Variants in SLC4A10 observed in about 807,000 individuals in gnomAD.
SLC4A10 encodes solute carrier family 4 member 10.
Under a neutral mutation model 137.7 loss-of-function variants are expected in SLC4A10, and 42 were observed. The ratio of observed to expected loss-of-function variants is 0.30; its 90% CI spans 0.24 to 0.39. SLC4A10 has a LOEUF of 0.39. SLC4A10 is among the 10% of genes least tolerant of loss of function. The pLI, the probability that SLC4A10 is intolerant of heterozygous loss-of-function variation, is 1.00. For synonymous variants in SLC4A10, 474 were observed against 464.1 expected, an observed-to-expected ratio of 1.02 and a Z score of -0.27; for missense variants, 925 against 1,355.0, an observed-to-expected ratio of 0.68 and a Z score of 4.98.
At chr2:161,876,721 C>A (rs2061471050) in intron 8 of SLC4A10, among the ~76,000 whole-genome samples, 1 of 152,052 alleles carries the variant, frequency 6.6e-6, no homozygotes, top group Admixed American at 6.6e-5. Flanking sequence ...GTTGGTTTGT[C>A]AAATAAGTTT....
intron 21 of SLC4A10, among the ~76,000 whole-genome samples, chr2:161,963,393 A>T (rs1697054909): frequency 6.6e-6 from 1 of 152,170 alleles, no homozygotes; most frequent in African/African-American, 2.4e-5. Context: ...AACTGAAAAT[A>T]TATAAATGAC....
intron 2 of SLC4A10, among the ~76,000 whole-genome samples, chr2:161,783,798 A>G (rs1178606330): frequency 5.9e-5 from 9 of 151,846 alleles, no homozygotes; most frequent in Non-Finnish European, 1.2e-4. Context: ...ACAAAAAAAA[A>G]TCAACAAAAC....
intron 1 of SLC4A10, among the ~76,000 whole-genome samples, chr2:161,737,317 C>T (rs1456485694): frequency 6.6e-6 from 1 of 151,998 alleles, no homozygotes; most frequent in Non-Finnish European, 1.5e-5. Flanking sequence ...AGTTTGGAAC[C>T]CATCAGGGAA....
chr2:161,704,714 A>G (rs190241225), intron 1 of SLC4A10, among the ~76,000 whole-genome samples: 1 of 151,538 alleles, frequency 6.6e-6, no homozygotes, highest in Non-Finnish European at 1.5e-5. Context: ...TATGCTATAT[A>G]TTTTCCTTTA....
At chr2:161,722,334 T>C (rs2045772991) in intron 1 of SLC4A10, among the ~76,000 whole-genome samples, 1 of 152,204 alleles carries the variant, frequency 6.6e-6, no homozygotes, top group Non-Finnish European at 1.5e-5. Flanking sequence ...CCTTTGACCT[T>C]TGGGGCTGCT....
chr2:161,629,460 A>G (rs1443617452), intron 1 of SLC4A10, among the ~76,000 whole-genome samples: 1 of 151,712 alleles, frequency 6.6e-6, no homozygotes, highest in African/African-American at 2.4e-5. Context: ...GAAGGTACAG[A>G]GATTTCCCAT....
chr2:161,636,906 A>T (rs2034480497), intron 1 of SLC4A10, among the ~76,000 whole-genome samples: 1 of 150,148 alleles, frequency 6.7e-6, no homozygotes, highest in African/African-American at 2.4e-5. Flanking sequence ...TTGTAGAGAC[A>T]GGGTCTCAGT....
chr2:161,837,563 C>A (rs1267060963), intron 3 of SLC4A10, among the ~76,000 whole-genome samples: 1 of 152,088 alleles, frequency 6.6e-6, no homozygotes, highest in African/African-American at 2.4e-5. Flanking sequence ...AAATTCCAAG[C>A]AGGAATTTTG....
Position 161,879,287 on chromosome 2 carries a change from A to T in SLC4A10, c.1105A>T (p.Arg369Ter). 1 of 1,606,258 alleles carries T rather than the reference A, an allele frequency of 6.2e-7. No homozygotes were observed. The highest frequency in any genetic ancestry group is 8.5e-7 in the Non-Finnish European group (1 of 1,175,638). ...QGLAEVPIPT[R>*]FLFILLGPLG... ...ACTGGCTGAAGTCCCAATCCCAACC[A>T]GGTAAAAAGTATAAAAGCGTCTTTT... The change falls in exon 9 of 27, where the codon AGA (arginine) becomes TGA (stop). Residue 369 changes from arginine to a stop codon, truncating the protein, a stop_gained and splice_region_variant. Transcript: ENST00000446997. LOFTEE classifies it high-confidence loss of function.
chr2:161,655,673 A>T (rs2037414475), intron 1 of SLC4A10, among the ~76,000 whole-genome samples: 2 of 152,214 alleles, frequency 1.3e-5, no homozygotes, highest in South Asian at 4.1e-4. Context: ...ATATATTTAA[A>T]TTCATTTCAT....
rs55983659 is a variant in SLC4A10 at position 161,856,358 on chromosome 2, AACACACAC to A, written c.577+1261_577+1268del. 4.0e-3 allele frequency among the ~76,000 whole-genome samples: 561 copies of A among 141,926 alleles called. 3 individuals are homozygous for A. The highest frequency in any genetic ancestry group is 0.014 in the African/African-American group (529 of 38,264). 93.1% of individuals were successfully genotyped at this position (141,926 alleles called of 152,430 possible). On this transcript the variant is annotated intron_variant, in intron 5 of 26. Transcript: ENST00000446997. ...TAAGCAAAAACTCCAAAAATACTAA[AACACACAC>A]ACACACACACACACACACACACACA...
intron 1 of SLC4A10, among the ~76,000 whole-genome samples, chr2:161,675,465 A>G (rs2040183201): frequency 6.6e-6 from 1 of 152,208 alleles, no homozygotes; most frequent in South Asian, 2.1e-4. Context: ...GAATAAAAAA[A>G]TTAACTTCAT....
intron 1 of SLC4A10, among the ~76,000 whole-genome samples, chr2:161,765,026 C>T (rs1436112687): frequency 6.6e-6 from 1 of 152,088 alleles, no homozygotes; most frequent in African/African-American, 2.4e-5. Context: ...GGGCAATAGT[C>T]TTTACCAGTG....
At chr2:161,916,873 A>G (rs1382065692) in intron 15 of SLC4A10, among the ~76,000 whole-genome samples, 1 of 152,228 alleles carries the variant, frequency 6.6e-6, no homozygotes, top group Non-Finnish European at 1.5e-5. Flanking sequence ...CCTACCGTAT[A>G]TAATTTACTT....
chr2:161,782,561 T>G (rs2053159772), intron 2 of SLC4A10, among the ~76,000 whole-genome samples: 1 of 151,384 alleles, frequency 6.6e-6, no homozygotes, highest in East Asian at 2.0e-4. Context: ...TGGAAAAGAA[T>G]TTAGAATAAC....
At chr2:161,947,063 C>T (rs544266856) in intron 16 of SLC4A10, among the ~76,000 whole-genome samples, 1 of 152,210 alleles carries the variant, frequency 6.6e-6, no homozygotes, top group East Asian at 1.9e-4. Flanking sequence ...TGCGGCCACC[C>T]ACCAGTGGTG....
intron 1 of SLC4A10, among the ~76,000 whole-genome samples, chr2:161,631,214 G>A (rs982614324): frequency 5.9e-5 from 9 of 151,634 alleles, no homozygotes; most frequent in Non-Finnish European, 8.9e-5. Context: ...TTGAAATTAC[G>A]TGGCGGTGAT....
intron 19 of SLC4A10, among the ~76,000 whole-genome samples, chr2:161,954,000 AG>A (rs943471938): frequency 3.3e-5 from 5 of 152,230 alleles, no homozygotes; most frequent in African/African-American, 7.2e-5. Flanking sequence ...CTTATAAAAA[AG>A]AAAGTTTCTG....
intron 10 of SLC4A10, among the ~76,000 whole-genome samples, chr2:161,891,963 A>T (rs113444283): frequency 6.6e-6 from 1 of 152,056 alleles, no homozygotes; most frequent in Non-Finnish European, 1.5e-5. Flanking sequence ...GAAGGGGGTC[A>T]GGGAAGTCTG....
Sources: allele counts gnomAD v4.1 joint callset (sites outside exome capture counted in the v4.1 genomes callset), GRCh38; gene constraint gnomAD v4.1.1; transcripts MANE v1.5; gene names NCBI Gene and HGNC (gene_info 2026-07-23, HGNC 2026-07-21).